Variants in DNAJC5 observed in about 807,000 individuals in gnomAD.
DNAJC5 encodes the protein DnaJ heat shock protein family (Hsp40) member C5.
A neutral mutation model predicts 23.2 loss-of-function variants in DNAJC5; 1 was observed. The observed-to-expected ratio is 0.04, with a 90% CI of 0.02 to 0.20. The LOEUF is 0.20. Ranked by LOEUF, DNAJC5 falls within the 10% of genes least tolerant of loss-of-function variation. The pLI is 1.00. For synonymous variants in DNAJC5, 136 were observed against 120.0 expected (o/e 1.13, Z -0.87); for missense variants, 180 against 267.0 (o/e 0.67, Z 2.27).
chr20:63,924,781 G>T (rs965332506), intron 1 of DNAJC5, among the ~76,000 whole-genome samples: 1 of 152,250 alleles, frequency 6.6e-6, no homozygotes, highest in Non-Finnish European at 1.5e-5. Context: ...GGAGGTTGCA[G>T]TGAGTTGATG....
intron 1 of DNAJC5, among the ~76,000 whole-genome samples, chr20:63,926,038 CAGGA>C (rs2053612701): frequency 1.3e-5 from 2 of 152,048 alleles, no homozygotes; most frequent in Admixed American, 6.6e-5. Context: ...CTGTGTTAGC[CAGGA>C]TGGTCTCAAT....
intron 1 of DNAJC5, among the ~76,000 whole-genome samples, chr20:63,916,745 C>G (rs2053517726): frequency 6.6e-6 from 1 of 152,146 alleles, no homozygotes; most frequent in African/African-American, 2.4e-5. Context: ...GACAGGCACT[C>G]CCAGAGCAGC....
In DNAJC5 at chr20:63,928,261, A is replaced by G; in HGVS notation, c.-11-74A>G. 2.4e-6 allele frequency: 3 copies of G among 1,238,896 alleles called. No homozygotes were observed. The highest frequency in any genetic ancestry group is 2.3e-5 in the East Asian group (1 of 42,926). The allele number at this position is 1,238,896 out of a possible 1,614,324, so 76.7% of individuals were successfully genotyped here. ...CTTTTGCTTTGAACGGTCTTATGGAATAAAGTCCATCAGCTCTGCCCTTGG... is the reference window on the plus strand; with the variant it reads ...CTTTTGCTTTGAACGGTCTTATGGAGTAAAGTCCATCAGCTCTGCCCTTGG... On this transcript the variant is annotated intron_variant, in intron 1 of 4. Coordinates refer to ENST00000360864, the MANE Select transcript of DNAJC5 (RefSeq NM_025219.3). The surrounding 1 kb of genome is among the most constrained non-coding windows in gnomAD (Gnocchi z 4.6).
chr20:63,925,414 C>T (rs542618794), intron 1 of DNAJC5, among the ~76,000 whole-genome samples: 10 of 152,136 alleles, frequency 6.6e-5, no homozygotes, highest in Non-Finnish European at 1.2e-4. Context: ...ACCCGGGAGG[C>T]AGAGATTGCA....
At chr20:63,906,659 G>C (rs2053450497) in intron 1 of DNAJC5, among the ~76,000 whole-genome samples, 2 of 151,544 alleles carry the variant, frequency 1.3e-5, no homozygotes, top group Non-Finnish European at 2.9e-5. Flanking sequence ...GTGGGCGCCT[G>C]TATATAGTCC....
chr20:63,925,730 C>G (rs6089781), intron 1 of DNAJC5, among the ~76,000 whole-genome samples: 4 of 146,204 alleles, frequency 2.7e-5, no homozygotes, highest in African/African-American at 1.1e-4. Context: ...GCACTCCAGC[C>G]TGGGCAACAA....
At position 63,931,616 on chromosome 20, in the gene DNAJC5, C is replaced by A. The variant is rs531888878; in HGVS notation, c.*48C>A. The A allele has an allele frequency of 2.7e-6, 4 of 1,494,550 alleles. No homozygotes were observed. Among genetic ancestry groups the A allele is most frequent in the Middle Eastern group, 1.7e-4 (1 of 5,878 alleles). The allele number at this position is 1,494,550 out of a possible 1,614,324, so 92.6% of individuals were successfully genotyped here. A position where few individuals can be genotyped will look rare whatever the true frequency, so the allele number is the denominator to read the frequency against. The stretch of plus-strand genomic sequence containing the variant: ...AGGAGGAGCCGGCGCCTGGCCACGC[C>A]AACCTTAGAATCATGAACTGTAGTC... On this transcript the variant is annotated 3_prime_UTR_variant, in exon 5 of 5. Coordinates refer to ENST00000360864, the MANE Select transcript of DNAJC5 (RefSeq NM_025219.3). This position sits in a 1 kb window ranked among gnomAD's most constrained non-coding sequence, Gnocchi z 9.6.
intron 1 of DNAJC5, among the ~76,000 whole-genome samples, chr20:63,904,365 G>C (rs1191806923): frequency 6.6e-6 from 1 of 152,114 alleles, no homozygotes; most frequent in African/African-American, 2.4e-5. Flanking sequence ...ATCCCGCCAG[G>C]TTGGGTAACC....
At position 63,928,468 on chromosome 20, in the gene DNAJC5, T is replaced by C; in HGVS notation, c.107+16T>C. On this transcript the variant is annotated intron_variant, in intron 2 of 4. Coordinates refer to ENST00000360864, the MANE Select transcript of DNAJC5 (RefSeq NM_025219.3). This position sits in a 1 kb window ranked among gnomAD's most constrained non-coding sequence, Gnocchi z 4.6. The stretch of plus-strand genomic sequence containing the variant: ...AGTCCTATCGGTAAGTGGACAAGTG[T>C]GGCCCCCACATCCCCCCAGGAAGAC... The C allele has an allele frequency of 6.2e-7, 1 of 1,604,870 alleles. No homozygotes were observed.
At chr20:63,909,808 G>A (rs1043244269) in intron 1 of DNAJC5, among the ~76,000 whole-genome samples, 1 of 152,244 alleles carries the variant, frequency 6.6e-6, no homozygotes, top group Non-Finnish European at 1.5e-5. Flanking sequence ...GGGATCCTCA[G>A]GAGAGCCTGC....
intron 1 of DNAJC5, among the ~76,000 whole-genome samples, chr20:63,922,593 C>T (rs542957709): frequency 2.4e-4 from 36 of 151,790 alleles, no homozygotes; most frequent in Non-Finnish European, 4.3e-4. Flanking sequence ...GCAACATAGA[C>T]CCCGTCTCTG....
Position 63,928,072 on chromosome 20 carries a change from C to T in DNAJC5, c.-11-263C>T, listed in dbSNP as rs1302420576. On this transcript the variant is annotated intron_variant, in intron 1 of 4. Transcript: ENST00000360864. This position sits in a 1 kb window ranked among gnomAD's most constrained non-coding sequence, Gnocchi z 4.6. Reference sequence around the variant, plus strand: ...TCAAGCGGTCCTCCCGCCTCAGCCTCCCAAAATGCTGGGACTACAGGTGTG... The same window carrying T: ...TCAAGCGGTCCTCCCGCCTCAGCCTTCCAAAATGCTGGGACTACAGGTGTG... 6.6e-6 allele frequency among the ~76,000 whole-genome samples: 1 copy of T among 152,202 alleles called. No individual in the cohort carries two copies. The highest frequency in any genetic ancestry group is 1.5e-5 in the Non-Finnish European group (1 of 68,032).
At position 63,928,216 on chromosome 20, in the gene DNAJC5, C is replaced by G. The variant is rs905557022; in HGVS notation, c.-11-119C>G. On this transcript the variant is annotated intron_variant, in intron 1 of 4. Transcript: ENST00000360864. The surrounding 1 kb of genome is among the most constrained non-coding windows in gnomAD (Gnocchi z 4.6). Reference sequence around the variant, plus strand: ...CGTCTGTCTGTGCACGTGGCAAACTCCACAAGGCAGTGTTGGATTCTTTTG... The same window carrying G: ...CGTCTGTCTGTGCACGTGGCAAACTGCACAAGGCAGTGTTGGATTCTTTTG... 2 of 835,634 alleles carry G rather than the reference C, an allele frequency of 2.4e-6. No individual in the cohort carries two copies. The highest frequency in any genetic ancestry group is 3.9e-6 in the Non-Finnish European group (2 of 508,730). 51.8% of individuals were successfully genotyped at this position (835,634 alleles called of 1,614,324 possible). A position where few individuals can be genotyped will look rare whatever the true frequency, so the allele number is the denominator to read the frequency against.
chr20:63,908,933 C>G (rs2053464168), intron 1 of DNAJC5: 1 of 151,898 alleles, frequency 6.6e-6, no homozygotes, highest in Admixed American at 6.6e-5. Context: ...ACCCCCCCAT[C>G]TCTATTAAAA....
intron 1 of DNAJC5, among the ~76,000 whole-genome samples, chr20:63,905,737 T>A (rs1313572777): frequency 7.0e-6 from 1 of 143,584 alleles, no homozygotes; most frequent in Non-Finnish European, 1.5e-5. Flanking sequence ...GCCCAGCTAA[T>A]TTTTTTTTTT....
At chr20:63,930,289 C>G (rs2053656753) in intron 3 of DNAJC5, among the ~76,000 whole-genome samples, 2 of 152,202 alleles carry the variant, frequency 1.3e-5, no homozygotes, top group South Asian at 2.1e-4. Flanking sequence ...AGTGATCCTC[C>G]CACTTCAGCT....
chr20:63,919,419 C>T (rs1426610432), intron 1 of DNAJC5: 1 of 487,680 alleles, frequency 2.1e-6, no homozygotes, highest in South Asian at 1.5e-5. Flanking sequence ...GGGCCCAGGA[C>T]AGCGCCACGG....
At position 63,930,889 on chromosome 20, in the gene DNAJC5, C is replaced by T. The variant is rs1199900090; in HGVS notation, c.360C>T (p.Tyr120=). The T allele has an allele frequency of 1.9e-6, 3 of 1,613,800 alleles. No individual in the cohort carries two copies. Among genetic ancestry groups the T allele is most frequent in the Admixed American group, 1.7e-5 (1 of 60,030 alleles). ...FVFCGLLTCC[Y]CCCCLCCCFN... Reference sequence around the variant, plus strand: ...TCTGCGGCCTCCTCACGTGCTGCTACTGCTGCTGCTGTCTGTGCTGCTGCT... The same window carrying T: ...TCTGCGGCCTCCTCACGTGCTGCTATTGCTGCTGCTGTCTGTGCTGCTGCT... The change falls in exon 4 of 5, where the codon TAC becomes TAT. Residue 120 remains tyrosine (Y), a synonymous_variant. Transcript: ENST00000360864.
rs1345932709 is a variant in DNAJC5 at position 63,931,389 on chromosome 20, G to A, written c.494-76G>A. On this transcript the variant is annotated intron_variant, in intron 4 of 4. Transcript: ENST00000360864. The surrounding 1 kb of genome is among the most constrained non-coding windows in gnomAD (Gnocchi z 9.6). ...GGAGAGTTTGTCCAGGTGCCCGAAA[G>A]TCGCTCCACAGGACCAGCGTTGGGT... 26 of 1,377,352 alleles carry A rather than the reference G, an allele frequency of 1.9e-5. No homozygotes were observed. Among genetic ancestry groups the A allele is most frequent in the Non-Finnish European group, 2.6e-5 (26 of 1,003,488 alleles). The allele number at this position is 1,377,352 out of a possible 1,614,324, so 85.3% of individuals were successfully genotyped here.
Sources: allele counts gnomAD v4.1 joint callset (sites outside exome capture counted in the v4.1 genomes callset), GRCh38; gene constraint gnomAD v4.1.1; non-coding constraint Gnocchi (gnomAD v3.1); transcripts MANE v1.5; gene names NCBI Gene and HGNC (gene_info 2026-07-23, HGNC 2026-07-21).